BICC1: variants seen among roughly 807,000 people sequenced by gnomAD.
BICC1 encodes BicC family RNA binding protein 1, also known as protein bicaudal C homolog 1.
A neutral mutation model predicts 111.0 loss-of-function variants in BICC1; 43 were observed. The observed-to-expected ratio is 0.39, with a 90% confidence interval of 0.30 to 0.50. The LOEUF (loss-of-function observed/expected upper bound fraction) is 0.50, where lower values mean the gene tolerates loss of function less well. Among genes scored for constraint, BICC1 ranks in the 20% least tolerant of loss-of-function variants. The probability of loss-of-function intolerance (pLI) is 0.88; values close to 1 mark genes in which losing one functional copy is unlikely to be tolerated. For synonymous variants in BICC1, 467 were observed against 434.4 expected (o/e 1.07, Z -0.93); for missense variants, 1,091 against 1,203.2 (o/e 0.91, Z 1.38).
intron 2 of BICC1, among the ~76,000 whole-genome samples, chr10:58,668,086 A>T (rs1358049712): frequency 2.6e-5 from 4 of 152,100 alleles, no homozygotes; most frequent in Non-Finnish European, 5.9e-5. Flanking sequence ...TTTCACGGTC[A>T]TCCGGCTTTT....
At chr10:58,725,154 C>G (rs1841062675) in intron 3 of BICC1, among the ~76,000 whole-genome samples, 1 of 152,158 alleles carries the variant, frequency 6.6e-6, no homozygotes, top group South Asian at 2.1e-4. Flanking sequence ...TTATGTATTA[C>G]TGGCATAATA....
chr10:58,610,191 A>G (rs1474863487), intron 1 of BICC1, among the ~76,000 whole-genome samples: 2 of 152,228 alleles, frequency 1.3e-5, no homozygotes, highest in East Asian at 1.9e-4. Flanking sequence ...TTGGGAATAT[A>G]TATTTCCCTA....
At chr10:58,783,956 TC>T (rs1290453657) in intron 3 of BICC1, among the ~76,000 whole-genome samples, 1 of 152,068 alleles carries the variant, frequency 6.6e-6, no homozygotes, top group Non-Finnish European at 1.5e-5. Context: ...AGGAGGCTAG[TC>T]CCCACCCTGA....
chr10:58,748,566 T>C (rs962182307), intron 3 of BICC1, among the ~76,000 whole-genome samples: 1 of 107,742 alleles, frequency 9.3e-6, no homozygotes, highest in African/African-American at 2.8e-5. Context: ...GGGTGGAAAA[T>C]ATTATAAACC....
intron 2 of BICC1, among the ~76,000 whole-genome samples, chr10:58,685,548 C>T (rs7076153): frequency 0.98 from 148,748 of 152,266 alleles, 72,779 homozygotes; most frequent in Middle Eastern, 1. Flanking sequence ...AATCTGGGTG[C>T]TCCTGTATTG....
rs951948698 is a variant in BICC1 at position 58,825,999 on chromosome 10, AAAAAGG to A, written c.2795-2752_2795-2747del. On this transcript the variant is annotated intron_variant, in intron 20 of 20. Transcript: ENST00000373886. ...GCATAACAACTATTGTTTAAAAAAA[AAAAAGG>A]AAAAGGAAATTTGAGAAGCCATTGC... is the stretch of plus-strand genomic sequence containing the variant. 6.6e-5 allele frequency among the ~76,000 whole-genome samples: 10 copies of A among 152,204 alleles called. No homozygotes were observed. The East Asian group carries it at 1.9e-3, about 29-fold the overall frequency.
At chr10:58,608,498 C>T (rs1845307495) in intron 1 of BICC1, among the ~76,000 whole-genome samples, 1 of 152,208 alleles carries the variant, frequency 6.6e-6, no homozygotes, top group Non-Finnish European at 1.5e-5. Context: ...TCCCCATGTC[C>T]TCATGTCTAC....
chr10:58,518,828 G>A lies in BICC1; in HGVS notation c.190+5495G>A, dbSNP rs539938471. On this transcript the variant is annotated intron_variant, in intron 1 of 20. Coordinates refer to ENST00000373886, the MANE Select transcript of BICC1 (RefSeq NM_001080512.3). ...CTTTGCTTCTCGTAGAGTTCCGTGA[G>A]GATGCACTGAGAGGGGCAGTAAAAC... Among the ~76,000 whole-genome samples the A allele has an allele frequency of 1.1e-4, 17 of 152,244 alleles. No individual in the cohort carries two copies. In the South Asian group the frequency reaches 2.5e-3, roughly 22 times the overall value.
intron 2 of BICC1, among the ~76,000 whole-genome samples, chr10:58,680,233 G>A (rs1380287272): frequency 6.6e-6 from 1 of 152,038 alleles, no homozygotes; most frequent in Non-Finnish European, 1.5e-5. Context: ...AGGAAGTCAC[G>A]TTATTTCTGT....
chr10:58,648,460 A>G, intron 2 of BICC1: 2 of 949,816 alleles, frequency 2.1e-6, no homozygotes, highest in Non-Finnish European at 2.5e-6. Flanking sequence ...ACACAGAGTT[A>G]TGTTCTCTGG....
At position 58,798,449 on chromosome 10, in the gene BICC1, T is replaced by A. The variant is rs956844113; in HGVS notation, c.1417T>A (p.Ser473Thr). The A allele has an allele frequency of 6.2e-7, 1 of 1,612,746 alleles. No homozygotes were observed. The highest frequency in any genetic ancestry group is 1.3e-5 in the African/African-American group (1 of 74,806). ...LSLNTSTTPNSLLNALNSSVS... is the reference protein window; with the variant it reads ...LSLNTSTTPNTLLNALNSSVS... The stretch of plus-strand genomic sequence containing the variant: ...TCTGAACACTTCAACAACCCCAAAC[T>A]CACTCTTGAATGCTCTTAATAGCTC... Residue 473 changes from serine to threonine, a missense_variant, in exon 11 of 21, where the codon TCA (serine) becomes ACA (threonine). This residue lies in a region of BICC1 where 843 missense variants were observed against 900.8 expected (regional missense o/e 0.94). Coordinates refer to ENST00000373886, the MANE Select transcript of BICC1 (RefSeq NM_001080512.3).
rs748577562 is a variant in BICC1, at chr10:58,817,680, A to T, written c.2652A>T (p.Lys884Asn). 1.9e-6 allele frequency: 3 copies of T among 1,613,276 alleles called. No homozygotes were observed. Among genetic ancestry groups the T allele is most frequent in the Non-Finnish European group, 2.5e-6 (3 of 1,179,526 alleles). Reference protein sequence around the residue: ...KGSDLPELFSKLGLGKYTDVF... With the variant: ...KGSDLPELFSNLGLGKYTDVF... ...CTGACCTCCCTGAGCTCTTCAGCAAACTGGGCCTGGGCAAATACACAGATG... is the reference window on the plus strand; with the variant it reads ...CTGACCTCCCTGAGCTCTTCAGCAATCTGGGCCTGGGCAAATACACAGATG... The change falls in exon 19 of 21, where the codon AAA becomes AAT. Residue 884 changes from lysine (K) to asparagine (N), a missense_variant. Transcript: ENST00000373886.
chr10:58,619,342 T>G (rs1177975919), intron 1 of BICC1, among the ~76,000 whole-genome samples: 1 of 152,196 alleles, frequency 6.6e-6, no homozygotes, highest in African/African-American at 2.4e-5. Flanking sequence ...GATAAAAATG[T>G]GTTGGTAAAA....
In BICC1 at chr10:58,793,607, C is replaced by A; in HGVS notation, c.1171C>A (p.Pro391Thr). ...FISIKPKPKQ[P>T]SKSVIVKSVE... is the part of the protein sequence containing the mutation. ...CAGTATTAAACCAAAGCCCAAACAG[C>A]CAAGCAAGGTTGGTTCAGAGTCTGA... is the stretch of plus-strand genomic sequence containing the variant. Residue 391 changes from proline (P) to threonine (T), a missense_variant, in exon 9 of 21, where the codon CCA becomes ACA. Around this residue, in one of 3 missense-constraint regions of BICC1, gnomAD observed 843 missense variants for 900.8 expected, o/e 0.94. Coordinates refer to ENST00000373886, the MANE Select transcript of BICC1 (RefSeq NM_001080512.3). 1 of 1,613,438 alleles carries A rather than the reference C, an allele frequency of 6.2e-7. No homozygotes were observed. The highest frequency in any genetic ancestry group is 8.5e-7 in the Non-Finnish European group (1 of 1,179,748).
intron 1 of BICC1, among the ~76,000 whole-genome samples, chr10:58,587,294 C>G (rs1280930479): frequency 6.6e-6 from 1 of 152,122 alleles, no homozygotes; most frequent in African/African-American, 2.4e-5. Flanking sequence ...TCTTATTGAT[C>G]ATAGTTTCTT....
intron 3 of BICC1, among the ~76,000 whole-genome samples, chr10:58,777,604 A>G (rs1053583778): frequency 2.6e-5 from 4 of 152,132 alleles, no homozygotes; most frequent in Non-Finnish European, 2.9e-5. Flanking sequence ...CTGCTCCCCA[A>G]TCATTGCCAA....
intron 2 of BICC1, among the ~76,000 whole-genome samples, chr10:58,623,750 G>A (rs1429766127): frequency 1.3e-5 from 2 of 152,112 alleles, no homozygotes; most frequent in African/African-American, 4.8e-5. Context: ...TGTTGGTGAG[G>A]GAGATAGAAT....
At chr10:58,619,194 A>T (rs1454178628) in intron 1 of BICC1, among the ~76,000 whole-genome samples, 1 of 152,168 alleles carries the variant, frequency 6.6e-6, no homozygotes, top group East Asian at 1.9e-4. Context: ...GTACATGAAC[A>T]CCTTTGCTAG....
intron 2 of BICC1, among the ~76,000 whole-genome samples, chr10:58,665,641 C>T (rs1047994908): frequency 6.6e-6 from 1 of 151,038 alleles, no homozygotes; most frequent in South Asian, 2.1e-4. Context: ...AAACCAGGCA[C>T]TCATCTACAC....
Sources: allele counts gnomAD v4.1 joint callset (sites outside exome capture counted in the v4.1 genomes callset), GRCh38; gene constraint gnomAD v4.1.1; regional missense constraint gnomAD v4.1.1; transcripts MANE v1.5; gene names NCBI Gene and HGNC (gene_info 2026-07-23, HGNC 2026-07-21).